Variants in RSRC1 observed in about 807,000 individuals in gnomAD.
RSRC1 encodes arginine and serine rich coiled-coil 1, also known as serine/Arginine-related protein 53.
RSRC1 carries 39 observed loss-of-function variants against 49.1 expected under a neutral mutation model. The observed-to-expected ratio is 0.79, with a 90% CI of 0.61 to 1.04. The LOEUF (loss-of-function observed/expected upper bound fraction) is 1.04, where lower values mean the gene tolerates loss of function less well. Ranked by LOEUF, RSRC1 falls within the 50% of genes least tolerant of loss-of-function variation. The pLI is 0.00. For synonymous variants in RSRC1, 143 were observed against 130.8 expected, an observed-to-expected ratio of 1.09 and a Z score of -0.63; for missense variants, 388 against 402.4, an observed-to-expected ratio of 0.96 and a Z score of 0.31.
Position 158,229,277 on chromosome 3 carries a change from T to G in RSRC1, c.494+26032T>G. 2.2e-5 allele frequency among the ~76,000 whole-genome samples: 2 copies of G among 90,542 alleles called. 1 individual carries two copies. The highest frequency in any genetic ancestry group is 8.8e-5 in the African/African-American group (2 of 22,752). The allele number at this position is 90,542 out of a possible 152,430, so 59.4% of individuals were successfully genotyped here. On this transcript the variant is annotated intron_variant, in intron 4 of 9. Coordinates refer to ENST00000611884, the MANE Select transcript of RSRC1 (RefSeq NM_001271838.2). ...ATACATGTATATGTGTATGTATGTA[T>G]ATAAACATACACACACGTATATGTG...
chr3:158,321,788 A>G (rs1728776557), intron 5 of RSRC1, among the ~76,000 whole-genome samples: 1 of 152,096 alleles, frequency 6.6e-6, no homozygotes, highest in Non-Finnish European at 1.5e-5. Flanking sequence ...TTAATGTATC[A>G]TAATGTACTT....
At chr3:158,352,589 T>C (rs1730937014) in intron 5 of RSRC1, among the ~76,000 whole-genome samples, 1 of 152,218 alleles carries the variant, frequency 6.6e-6, no homozygotes, top group Non-Finnish European at 1.5e-5. Context: ...AAGGATGCTC[T>C]GACATGTATG....
intron 7 of RSRC1, among the ~76,000 whole-genome samples, chr3:158,536,056 G>A (rs73022712): frequency 0.035 from 5,358 of 151,316 alleles, 333 homozygotes; most frequent in African/African-American, 0.12. Flanking sequence ...AGAGATTAAT[G>A]GAGAACTTTC....
chr3:158,286,188 A>T (rs1393190135), intron 4 of RSRC1, among the ~76,000 whole-genome samples: 1 of 152,192 alleles, frequency 6.6e-6, no homozygotes, highest in East Asian at 1.9e-4. Flanking sequence ...GTTTCCAATT[A>T]AGGAGTAAAG....
chr3:158,266,925 A>G (rs1381922968), intron 4 of RSRC1, among the ~76,000 whole-genome samples: 1 of 151,970 alleles, frequency 6.6e-6, no homozygotes, highest in Middle Eastern at 3.2e-3. Context: ...CATTGTACCC[A>G]GCTAATTTTT....
At chr3:158,204,390 AACCATTAATGT>A (rs978668258) in intron 4 of RSRC1, among the ~76,000 whole-genome samples, 4 of 152,202 alleles carry the variant, frequency 2.6e-5, no homozygotes, top group Non-Finnish European at 4.4e-5. Flanking sequence ...ATCATCCCAC[AACCATTAATGT>A]ACAGTAATCA....
At chr3:158,363,136 A>G (rs897350098) in intron 6 of RSRC1, among the ~76,000 whole-genome samples, 6 of 152,192 alleles carry the variant, frequency 3.9e-5, no homozygotes, top group South Asian at 2.1e-4. Flanking sequence ...ATATCACTGC[A>G]TGGAGAGTTA....
intron 3 of RSRC1, among the ~76,000 whole-genome samples, chr3:158,198,863 C>A (rs902172043): frequency 4.6e-5 from 7 of 152,088 alleles, no homozygotes; most frequent in Admixed American, 1.3e-4. Flanking sequence ...GTTTATGATC[C>A]AATATTCTTC....
intron 6 of RSRC1, among the ~76,000 whole-genome samples, chr3:158,380,459 T>C (rs1054113255): frequency 1.3e-5 from 2 of 152,168 alleles, no homozygotes; most frequent in African/African-American, 4.8e-5. Flanking sequence ...CTGGGCAACA[T>C]AGCAGGACCT....
intron 4 of RSRC1, among the ~76,000 whole-genome samples, chr3:158,212,892 C>T (rs1313051165): frequency 6.6e-6 from 1 of 151,914 alleles, no homozygotes; most frequent in Non-Finnish European, 1.5e-5. Flanking sequence ...TGATGCTAAA[C>T]CAAATAGAAG....
chr3:158,314,466 TAAATG>T (rs1198156811), intron 5 of RSRC1, among the ~76,000 whole-genome samples: 2 of 152,186 alleles, frequency 1.3e-5, no homozygotes, highest in Admixed American at 1.3e-4. Flanking sequence ...TTTCACATGT[TAAATG>T]AAAATATGCT....
intron 4 of RSRC1, among the ~76,000 whole-genome samples, chr3:158,265,806 CGAA>C (rs1294607292): frequency 6.6e-6 from 1 of 152,032 alleles, no homozygotes; most frequent in Non-Finnish European, 1.5e-5. Flanking sequence ...CTCAAGGTCA[CGAA>C]GATTTTCTTC....
At chr3:158,326,570 G>A (rs940025647) in intron 5 of RSRC1, among the ~76,000 whole-genome samples, 1 of 152,084 alleles carries the variant, frequency 6.6e-6, no homozygotes, top group Admixed American at 6.6e-5. Flanking sequence ...TTGCATCGTA[G>A]GGATGAAGCC....
chr3:158,516,677 G>A (rs999273487), intron 7 of RSRC1, among the ~76,000 whole-genome samples: 12 of 152,234 alleles, frequency 7.9e-5, no homozygotes, highest in Non-Finnish European at 1.5e-4. Context: ...GGGCAATGGT[G>A]GGCGCCCCTT....
chr3:158,143,140 G>T (rs1267565443), intron 3 of RSRC1, among the ~76,000 whole-genome samples: 1 of 152,152 alleles, frequency 6.6e-6, no homozygotes, highest in Admixed American at 6.5e-5. Flanking sequence ...GTATATGCTA[G>T]ACCAGTTCAA....
At chr3:158,455,717 C>A (rs1737273313) in intron 6 of RSRC1, among the ~76,000 whole-genome samples, 1 of 152,004 alleles carries the variant, frequency 6.6e-6, no homozygotes, top group Admixed American at 6.6e-5. Context: ...CGGTGGCTTA[C>A]GCCTGTAATC....
chr3:158,273,746 A>G (rs9877843), intron 4 of RSRC1, among the ~76,000 whole-genome samples: 2,576 of 152,200 alleles, frequency 0.017, 67 homozygotes, highest in African/African-American at 0.059. Flanking sequence ...TTAAAACATG[A>G]TAATAATCTT....
chr3:158,361,535 C>T (rs1731474363), intron 6 of RSRC1, among the ~76,000 whole-genome samples: 1 of 152,178 alleles, frequency 6.6e-6, no homozygotes, highest in Non-Finnish European at 1.5e-5. Flanking sequence ...CCCATGCCTC[C>T]CCCACTGTGG....
chr3:158,121,971 C>T, intron 1 of RSRC1, 132 bp from the exon 2 acceptor site: 2 of 504,214 alleles, frequency 4.0e-6, no homozygotes, highest in Non-Finnish European at 6.5e-6. Flanking sequence ...TACCACTACA[C>T]TCCAGCCTGG....
Sources: allele counts gnomAD v4.1 joint callset (sites outside exome capture counted in the v4.1 genomes callset), GRCh38; gene constraint gnomAD v4.1.1; transcripts MANE v1.5; gene names NCBI Gene and HGNC (gene_info 2026-07-23, HGNC 2026-07-21).